AGAP3: variants seen among roughly 807,000 people sequenced by gnomAD.
The protein encoded by AGAP3 is arf-GAP with GTPase, ANK repeat and PH domain-containing protein 3.
In AGAP3, 24 loss-of-function variants were observed where a neutral mutation model predicts 96.9. The ratio of observed to expected loss-of-function variants is 0.25; its 90% CI spans 0.18 to 0.35. The LOEUF (loss-of-function observed/expected upper bound fraction) is 0.35, where lower values mean the gene tolerates loss of function less well. Among genes scored for constraint, AGAP3 ranks in the 10% least tolerant of loss-of-function variants. The pLI is 1.00. For missense variants in AGAP3, 876 were observed against 1,254.2 expected (o/e 0.70, Z 4.55); for synonymous variants, 563 against 536.1 (o/e 1.05, Z -0.69).
rs201874649 is a variant in AGAP3 at position 151,143,355 on chromosome 7, G to T, written c.2288G>T (p.Arg763Leu). The T allele has an allele frequency of 5.0e-6, 8 of 1,612,004 alleles. No homozygotes were observed. The highest frequency in any genetic ancestry group is 5.9e-6 in the Non-Finnish European group (7 of 1,178,616). The part of the protein sequence containing the change: ...GPDACREEKE[R>L]WIRAKYEQKL... ...TGTGGTTGCAGAGAGGAGAAGGAAC[G>T]CTGGATACGGGCCAAGTATGAACAG... Residue 763 changes from arginine (R) to leucine (L), a missense_variant, in exon 17 of 18, where the codon CGC becomes CTC. Arg to Leu is a moderately radical substitution (Grantham distance 102). Transcript: ENST00000397238. This position sits in a 1 kb window ranked among gnomAD's most constrained non-coding sequence, Gnocchi z 5.9.
rs113445053 is a variant in AGAP3, at chr7:151,135,130, A to T, written c.1495+562A>T. Among the ~76,000 whole-genome samples the T allele has an allele frequency of 2.9e-3, 440 of 152,282 alleles. 1 individual carries two copies. The highest frequency in any genetic ancestry group is 0.01 in the African/African-American group (416 of 41,564). On this transcript the variant is annotated intron_variant, in intron 11 of 17. Coordinates refer to ENST00000397238, the MANE Select transcript of AGAP3 (RefSeq NM_031946.7). ...AGGTGAAAGGCCTCCTGTCCCCAGC[A>T]ACTCCCTAGTGCCGCTTCATTCCTC...
At chr7:151,119,072 T>TATC in intron 7 of AGAP3, 1 of 193,346 alleles carries the variant, frequency 5.2e-6, no homozygotes, top group Non-Finnish European at 1.1e-5. Flanking sequence ...CCTTCAGGGC[T>TATC]GTGAGAAGGC....
At chr7:151,102,835 C>T (rs895411155) in intron 1 of AGAP3, among the ~76,000 whole-genome samples, 1 of 152,206 alleles carries the variant, frequency 6.6e-6, no homozygotes, top group African/African-American at 2.4e-5. Flanking sequence ...AGGCTGGTCT[C>T]GAACTCCTGG....
intron 11 of AGAP3, among the ~76,000 whole-genome samples, chr7:151,137,044 A>G (rs1356831083): frequency 6.6e-6 from 1 of 152,248 alleles, no homozygotes; most frequent in Non-Finnish European, 1.5e-5. Flanking sequence ...TGACAGATAC[A>G]AGAGGAACAT....
intron 1 of AGAP3, among the ~76,000 whole-genome samples, chr7:151,102,218 G>A (rs1798858404): frequency 6.6e-6 from 1 of 152,242 alleles, no homozygotes; most frequent in African/African-American, 2.4e-5. Context: ...GTGGCCTGGG[G>A]CACGAGGACA....
intron 11 of AGAP3, among the ~76,000 whole-genome samples, chr7:151,136,960 A>G (rs1435235840): frequency 6.6e-6 from 1 of 152,148 alleles, no homozygotes; most frequent in Non-Finnish European, 1.5e-5. Context: ...GGAGATGGAG[A>G]CCGGCCTGTA....
At position 151,087,176 on chromosome 7, in the gene AGAP3, C is replaced by A. The variant is rs573888860; in HGVS notation, c.331+104C>A. 30,715 of 1,297,234 alleles carry A rather than the reference C, an allele frequency of 0.024. 471 individuals carry two copies. The highest frequency in any genetic ancestry group is 0.029 in the Non-Finnish European group (27,379 of 928,896). 80.4% of individuals were successfully genotyped at this position (1,297,234 alleles called of 1,614,324 possible). A position where few individuals can be genotyped will look rare whatever the true frequency, so the allele number is the denominator to read the frequency against. On this transcript the variant is annotated intron_variant, in intron 1 of 17. Transcript: ENST00000397238. ...TGGCCATGCTCTCCCTGTCGGGGGT[C>A]CTTGCGCGCTTGAGGACCAGGCCAC... is the stretch of plus-strand genomic sequence containing the variant.
At chr7:151,103,647 A>C (rs1204693444) in intron 1 of AGAP3, among the ~76,000 whole-genome samples, 1 of 152,138 alleles carries the variant, frequency 6.6e-6, no homozygotes, top group Non-Finnish European at 1.5e-5. Flanking sequence ...CACAACCATT[A>C]CACCAGAATA....
chr7:151,109,913 A>G (rs1799213489), intron 1 of AGAP3, among the ~76,000 whole-genome samples: 1 of 152,346 alleles, frequency 6.6e-6, no homozygotes, highest in African/African-American at 2.4e-5. Flanking sequence ...GCCAGGCACC[A>G]TGCGGCCCTC....
At chr7:151,087,324 G>C (rs1798199301) in intron 1 of AGAP3, 5 of 526,580 alleles carry the variant, frequency 9.5e-6, no homozygotes, top group Non-Finnish European at 1.4e-5. Context: ...TGTCGCTTGG[G>C]GGGGCCGGGA....
chr7:151,107,513 A>G (rs1799106074), intron 1 of AGAP3, among the ~76,000 whole-genome samples: 1 of 151,858 alleles, frequency 6.6e-6, no homozygotes, highest in Non-Finnish European at 1.5e-5. Context: ...AGTCCCAGCT[A>G]CTTAGGAGGC....
In AGAP3 at chr7:151,086,486, T is replaced by C. The variant is rs1010252755; in HGVS notation, c.-256T>C. ...CTCCCGGTCCCGTTGTTGTTGCCGC[T>C]GGAGGCTGCTCCGAGGCAGCGGGAT... On this transcript the variant is annotated 5_prime_UTR_variant, in exon 1 of 18. Coordinates refer to ENST00000397238, the MANE Select transcript of AGAP3 (RefSeq NM_031946.7). Among the ~76,000 whole-genome samples, 37 of 147,538 alleles carry C rather than the reference T, an allele frequency of 2.5e-4. No homozygotes were observed. Among genetic ancestry groups the C allele is most frequent in the Non-Finnish European group, 4.5e-4 (30 of 66,174 alleles).
intron 5 of AGAP3, 131 bp downstream of exon 5, chr7:151,117,908 A>G: frequency 4.6e-6 from 6 of 1,298,474 alleles, no homozygotes; most frequent in Non-Finnish European, 6.2e-6. Flanking sequence ...TGGGACCCTC[A>G]GCACTCTCCG....
chr7:151,099,342 CAAAA>C (rs11322956), intron 1 of AGAP3, among the ~76,000 whole-genome samples: 5 of 136,352 alleles, frequency 3.7e-5, no homozygotes, highest in Admixed American at 7.1e-5. Flanking sequence ...GACTCCATCT[CAAAA>C]AAAAAAAAAA....
intron 1 of AGAP3, among the ~76,000 whole-genome samples, chr7:151,103,541 C>T (rs1798916733): frequency 1.3e-5 from 2 of 152,298 alleles, no homozygotes; most frequent in Non-Finnish European, 2.9e-5. Context: ...GTCACTGCCT[C>T]ATGCTCACAT....
At chr7:151,119,066 CAGGGCT>C in intron 7 of AGAP3, 3 of 201,046 alleles carry the variant, frequency 1.5e-5, no homozygotes, top group Non-Finnish European at 2.0e-5. Flanking sequence ...CCCTTCCCTT[CAGGGCT>C]GTGAGAAGGC....
Position 151,140,241 on chromosome 7 carries a change from G to C in AGAP3, c.1804+125G>C. 1 of 1,129,308 alleles carries C rather than the reference G, an allele frequency of 8.9e-7. No homozygotes were observed. Among genetic ancestry groups the C allele is most frequent in the South Asian group, 2.9e-5 (1 of 33,920 alleles). The allele number at this position is 1,129,308 out of a possible 1,614,324, so 70.0% of individuals were successfully genotyped here. ...GTGGATTAAGCACTTTCTAGTAGTT[G>C]CTAATCAAAGTAGTTCTACAGCTTC... On this transcript the variant is annotated intron_variant, in intron 13 of 17. Transcript: ENST00000397238. This position sits in a 1 kb window ranked among gnomAD's most constrained non-coding sequence, Gnocchi z 5.4.
intron 8 of AGAP3, among the ~76,000 whole-genome samples, chr7:151,121,573 C>T (rs910399667): frequency 6.6e-6 from 1 of 152,052 alleles, no homozygotes; most frequent in Admixed American, 6.5e-5. Flanking sequence ...CCCTCTCCTC[C>T]GCCCACGCCC....
At chr7:151,107,058 C>T (rs914802459) in intron 1 of AGAP3, among the ~76,000 whole-genome samples, 14 of 152,260 alleles carry the variant, frequency 9.2e-5, no homozygotes, top group African/African-American at 3.4e-4. Context: ...GCCTGTAATC[C>T]CAGCACTTTG....
Sources: allele counts gnomAD v4.1 joint callset (sites outside exome capture counted in the v4.1 genomes callset), GRCh38; gene constraint gnomAD v4.1.1; non-coding constraint Gnocchi (gnomAD v3.1); transcripts MANE v1.5; gene names NCBI Gene and HGNC (gene_info 2026-07-23, HGNC 2026-07-21).